The following CCT7 variants were observed in gnomAD, a reference collection of about 807,000 sequenced individuals.
CCT7 encodes T-complex protein 1 subunit eta.
Under a neutral mutation model 56.6 loss-of-function variants are expected in CCT7, and 16 were observed. The ratio of observed to expected loss-of-function variants is 0.28; its 90% CI spans 0.19 to 0.43. The LOEUF (loss-of-function observed/expected upper bound fraction) is 0.43. Ranked by LOEUF, CCT7 falls within the 20% of genes least tolerant of loss-of-function variation. CCT7 has a pLI of 1.00. For missense variants in CCT7, 519 were observed against 685.6 expected (o/e 0.76, Z 2.71); for synonymous variants, 262 against 254.8 (o/e 1.03, Z -0.27).
chr2:73,236,998 A>C (rs2103759078), intron 1 of CCT7, among the ~76,000 whole-genome samples: 1 of 152,354 alleles, frequency 6.6e-6, no homozygotes, highest in East Asian at 1.9e-4. Flanking sequence ...AGCACTTACA[A>C]GTAGCAGTTG....
intron 3 of CCT7, among the ~76,000 whole-genome samples, chr2:73,241,226 A>G (rs879876589): frequency 6.6e-6 from 1 of 152,110 alleles, no homozygotes; most frequent in Non-Finnish European, 1.5e-5. Flanking sequence ...TACTACAGGT[A>G]TGTCTTGAAG....
Position 73,252,789 on chromosome 2 carries a change from C to T in CCT7, c.1560C>T (p.Ile520=), listed in dbSNP as rs1405240921. ...ACLIVSVDET[I]KNPRSTVDAP... ...TGATCGTGTCTGTAGATGAAACCAT[C>T]AAGAACCCCCGCTCGACTGTGGATG... Residue 520 remains isoleucine, a synonymous_variant, in exon 12 of 12, where the codon ATC becomes ATT. Transcript: ENST00000258091. The T allele has an allele frequency of 6.2e-7, 1 of 1,614,160 alleles. No homozygotes were observed. Among genetic ancestry groups the T allele is most frequent in the South Asian group, 1.1e-5 (1 of 91,086 alleles).
intron 1 of CCT7, 128 bp from the exon 2 acceptor site, chr2:73,239,512 TGGG>T (rs778857652): frequency 4.5e-4 from 344 of 772,308 alleles, no homozygotes; most frequent in Non-Finnish European, 6.3e-4. Flanking sequence ...GGTAGACAGT[TGGG>T]GGAATGTGGT....
intron 10 of CCT7, among the ~76,000 whole-genome samples, chr2:73,250,946 C>G (rs6706873): frequency 9.5e-4 from 145 of 151,936 alleles, no homozygotes; most frequent in African/African-American, 3.5e-3. Flanking sequence ...AAAAAGACTT[C>G]GTTTTGTTAG....
chr2:73,239,847 G>C lies in CCT7; in HGVS notation c.160+51G>C, dbSNP rs1194248971. On this transcript the variant is annotated intron_variant, in intron 2 of 11. Transcript: ENST00000258091. Reference sequence around the variant, plus strand: ...TGTGTGCAGGAAAGGAGGCTCCTGAGGGGGTGTTTGGGACTAGCATAGGTT... The same window carrying C: ...TGTGTGCAGGAAAGGAGGCTCCTGACGGGGTGTTTGGGACTAGCATAGGTT... The C allele has an allele frequency of 2.4e-5, 36 of 1,526,188 alleles. No homozygotes were observed. In the Admixed American group the frequency reaches 6.2e-4, roughly 26 times the overall value. The allele number at this position is 1,526,188 out of a possible 1,614,324, so 94.5% of individuals were successfully genotyped here.
intron 8 of CCT7, 72 bp downstream of exon 8, chr2:73,249,251 C>G: frequency 2.5e-6 from 3 of 1,205,426 alleles, no homozygotes; most frequent in Non-Finnish European, 3.5e-6. Context: ...CCTGGTATAA[C>G]AGAGTGTACT....
intron 3 of CCT7, among the ~76,000 whole-genome samples, chr2:73,240,912 T>G (rs1172625219): frequency 6.6e-6 from 1 of 151,762 alleles, no homozygotes; most frequent in East Asian, 1.9e-4. Flanking sequence ...TTTTTTTTTT[T>G]TTTTAAAGAG....
chr2:73,244,199 C>A, intron 5 of CCT7, 150 bp downstream of exon 5: 1 of 787,974 alleles, frequency 1.3e-6, no homozygotes, highest in Non-Finnish European at 2.0e-6. Context: ...CGTGTCAGGC[C>A]TTTGTCAGAA....
At chr2:73,252,341 A>ATATATATATATATATATATATATATATG (rs72080175) in intron 11 of CCT7, among the ~76,000 whole-genome samples, 1 of 148,760 alleles carries the variant, frequency 6.7e-6, no homozygotes, top group African/African-American at 2.5e-5. Flanking sequence ...ATATATATAT[A>ATATATATATATATATATATATATATATG]TATATATATA....
chr2:73,245,451 T>C (rs1380985499), intron 6 of CCT7, among the ~76,000 whole-genome samples: 1 of 152,228 alleles, frequency 6.6e-6, no homozygotes, highest in Non-Finnish European at 1.5e-5. Flanking sequence ...CACACTTGGC[T>C]ACTGAGCACC....
intron 2 of CCT7, 193 bp from the exon 3 acceptor site, chr2:73,240,244 G>C (rs1274794507): frequency 2.4e-6 from 1 of 410,358 alleles, no homozygotes; most frequent in Non-Finnish European, 4.3e-6. Context: ...TCTGTGGTCT[G>C]CAAAAGCTTG....
chr2:73,242,062 A>G (rs1472082259), intron 3 of CCT7, among the ~76,000 whole-genome samples: 1 of 151,504 alleles, frequency 6.6e-6, no homozygotes, highest in Non-Finnish European at 1.5e-5. Flanking sequence ...TTTGAAATAT[A>G]AAGAACTTTG....
At chr2:73,251,453 G>C in intron 11 of CCT7, 21 bp downstream of exon 11, 1 of 1,567,474 alleles carries the variant, frequency 6.4e-7, no homozygotes, top group Non-Finnish European at 8.8e-7. Flanking sequence ...TCTCTCCCCA[G>C]GGTTCAGGGT....
In CCT7 at chr2:73,251,366, G is replaced by A. The variant is rs750254175; in HGVS notation, c.1344G>A (p.Gln448=). The change falls in exon 11 of 12, where the codon CAG becomes CAA. Residue 448 remains glutamine, a synonymous_variant. Coordinates refer to ENST00000258091, the MANE Select transcript of CCT7 (RefSeq NM_006429.4). ...YAKALEIIPR[Q]LCDNAGFDAT... Reference sequence around the variant, plus strand: ...AGGCCTTGGAGATTATCCCACGCCAGCTGTGTGACAATGCTGGCTTTGATG... The same window carrying A: ...AGGCCTTGGAGATTATCCCACGCCAACTGTGTGACAATGCTGGCTTTGATG... 4 of 1,614,208 alleles carry A rather than the reference G, an allele frequency of 2.5e-6. No individual in the cohort carries two copies. The South Asian group carries it at 4.4e-5, about 18-fold the overall frequency.
chr2:73,245,117 G>A (rs1687277056), intron 6 of CCT7, among the ~76,000 whole-genome samples: 1 of 152,138 alleles, frequency 6.6e-6, no homozygotes, highest in African/African-American at 2.4e-5. Flanking sequence ...TTGAATAGAT[G>A]ATACATATTT....
chr2:73,252,299 T>C (rs1420090501), intron 11 of CCT7, among the ~76,000 whole-genome samples: 1 of 148,308 alleles, frequency 6.7e-6, no homozygotes, highest in Non-Finnish European at 1.5e-5. Flanking sequence ...TTGTTATTCC[T>C]GTTTATCTTG....
chr2:73,247,869 C>T lies in CCT7; in HGVS notation c.726C>T (p.Val242=), dbSNP rs760750893. ...YHNPKIALLN[V]ELELKAEKDN... is the part of the protein sequence containing the mutation. ...ATCCCAAGATTGCCCTTTTGAATGT[C>T]GAGCTCGAGTTGAAAGCTGAGAAAG... The change falls in exon 7 of 12, where the codon GTC becomes GTT. Residue 242 remains valine, a synonymous_variant. Transcript: ENST00000258091. 39 of 1,613,944 alleles carry T rather than the reference C, an allele frequency of 2.4e-5. No individual in the cohort carries two copies. The highest frequency in any genetic ancestry group is 3.0e-5 in the Non-Finnish European group (35 of 1,180,026).
At chr2:73,249,222 T>C (rs772270042) in intron 8 of CCT7, 43 bp downstream of exon 8, 3 of 1,521,380 alleles carry the variant, frequency 2.0e-6, no homozygotes, top group Admixed American at 3.7e-5. Context: ...TTTGTGGCCC[T>C]GAAGGGTTTT....
intron 6 of CCT7, among the ~76,000 whole-genome samples, chr2:73,247,452 A>G (rs1687390301): frequency 1.3e-5 from 2 of 152,152 alleles, no homozygotes; most frequent in Admixed American, 6.5e-5. Context: ...AGCATTATCC[A>G]TCGGCCAGTG....
Sources: allele counts gnomAD v4.1 joint callset (sites outside exome capture counted in the v4.1 genomes callset), GRCh38; gene constraint gnomAD v4.1.1; transcripts MANE v1.5; gene names NCBI Gene and HGNC (gene_info 2026-07-23, HGNC 2026-07-21).